ABTB3: variants seen among roughly 807,000 people sequenced by gnomAD.
ABTB3 encodes the protein ankyrin repeat- and BTB/POZ domain-containing protein 3.
the ABTB3 span, among the ~76,000 whole-genome samples, chr12:107,390,833 C>A: frequency 2.0e-5 from 3 of 152,166 alleles, no homozygotes; most frequent in East Asian, 5.8e-4. Context: ...CTTCACAGGG[C>A]TATAAGCACT....
chr12:107,388,060 C>A, the ABTB3 span, among the ~76,000 whole-genome samples: 1 of 149,784 alleles, frequency 6.7e-6, no homozygotes, highest in South Asian at 2.1e-4. Flanking sequence ...GCAACCTCTG[C>A]CTCTCAGGTT....
At chr12:107,462,204 T>C in the ABTB3 span, among the ~76,000 whole-genome samples, 1 of 152,278 alleles carries the variant, frequency 6.6e-6, no homozygotes, top group Non-Finnish European at 1.5e-5. Flanking sequence ...TCATTAATGC[T>C]TTTAAAAATG....
chr12:107,635,452 AGAATGCCATAAG>A, the ABTB3 span: 3 of 1,502,750 alleles, frequency 2.0e-6, no homozygotes, highest in Non-Finnish European at 2.8e-6. Flanking sequence ...GAGGAGCCAA[AGAATGCCATAAG>A]GAATGCCAGG....
the ABTB3 span, among the ~76,000 whole-genome samples, chr12:107,367,518 T>C: frequency 1.3e-5 from 2 of 152,100 alleles, no homozygotes; most frequent in Non-Finnish European, 2.9e-5. Context: ...TGTATTTATT[T>C]ATTTTAGACA....
the ABTB3 span, among the ~76,000 whole-genome samples, chr12:107,465,850 C>T: frequency 1.9e-3 from 288 of 152,298 alleles, 5 homozygotes; most frequent in East Asian, 0.033. Context: ...TCTCCTGTTA[C>T]GTCTTTCATG....
chr12:107,457,389 C>T, the ABTB3 span, among the ~76,000 whole-genome samples: 5 of 152,174 alleles, frequency 3.3e-5, no homozygotes, highest in East Asian at 7.7e-4. Flanking sequence ...GCTGGCTTGC[C>T]GAAAGATAGA....
chr12:107,398,154 C>G, the ABTB3 span, among the ~76,000 whole-genome samples: 1 of 152,044 alleles, frequency 6.6e-6, no homozygotes, highest in Non-Finnish European at 1.5e-5. Flanking sequence ...ACAGCTCTGG[C>G]ATTGGGTTGG....
the ABTB3 span, among the ~76,000 whole-genome samples, chr12:107,536,877 G>A: frequency 6.6e-6 from 1 of 152,138 alleles, no homozygotes; most frequent in African/African-American, 2.4e-5. Context: ...CCACTACTGG[G>A]CATTTATCCA....
the ABTB3 span, among the ~76,000 whole-genome samples, chr12:107,363,815 A>G: frequency 2.0e-5 from 3 of 152,242 alleles, no homozygotes; most frequent in African/African-American, 7.2e-5. Flanking sequence ...GCATTAGTAT[A>G]TCTGATTGGT....
At chr12:107,415,916 C>T in the ABTB3 span, among the ~76,000 whole-genome samples, 1 of 151,814 alleles carries the variant, frequency 6.6e-6, no homozygotes, top group Non-Finnish European at 1.5e-5. Flanking sequence ...TGAGCCCACA[C>T]TCTGACAGTC....
chr12:107,454,440 G>C, the ABTB3 span, among the ~76,000 whole-genome samples: 9 of 152,164 alleles, frequency 5.9e-5, no homozygotes, highest in South Asian at 1.9e-3. Context: ...TTAAGGGTTA[G>C]GGGGGTTCAT....
the ABTB3 span, among the ~76,000 whole-genome samples, chr12:107,341,868 G>C: frequency 6.6e-6 from 1 of 152,050 alleles, no homozygotes; most frequent in Non-Finnish European, 1.5e-5. Context: ...CTCCCTCCCT[G>C]GTCTTGCTTG....
the ABTB3 span, among the ~76,000 whole-genome samples, chr12:107,442,391 G>A: frequency 2.0e-5 from 3 of 152,268 alleles, no homozygotes; most frequent in East Asian, 1.9e-4. Flanking sequence ...TGTAGATTTC[G>A]TTTCCTTTTT....
the ABTB3 span, among the ~76,000 whole-genome samples, chr12:107,333,735 A>G: frequency 2.6e-5 from 4 of 152,190 alleles, no homozygotes; most frequent in Non-Finnish European, 5.9e-5. Flanking sequence ...CAGTCCATAG[A>G]AAAAAATCAT....
chr12:107,384,691 G>T, the ABTB3 span, among the ~76,000 whole-genome samples: 2 of 152,128 alleles, frequency 1.3e-5, no homozygotes, highest in Non-Finnish European at 2.9e-5. Flanking sequence ...TCAGGTCTTT[G>T]TACCCCCACA....
the ABTB3 span, chr12:107,619,924 C>A: frequency 3.5e-6 from 5 of 1,445,344 alleles, no homozygotes; most frequent in East Asian, 2.5e-5. Context: ...TGGTTGTTTT[C>A]CACCTTTCCC....
At chr12:107,345,699 C>CA in the ABTB3 span, among the ~76,000 whole-genome samples, 138 of 149,524 alleles carry the variant, frequency 9.2e-4, no homozygotes, top group South Asian at 0.015. Context: ...CCTAGGGAGA[C>CA]AAAAAAAAAT....
the ABTB3 span, among the ~76,000 whole-genome samples, chr12:107,502,015 T>A: frequency 1.3e-5 from 2 of 151,950 alleles, no homozygotes; most frequent in South Asian, 4.1e-4. Context: ...GCCTGGGTGA[T>A]GTCCCCAGAA....
At chr12:107,619,840 C>A in the ABTB3 span, 4 of 719,642 alleles carry the variant, frequency 5.6e-6, no homozygotes, top group Admixed American at 1.2e-4. Flanking sequence ...CGTTGAAAGT[C>A]AATCCCTTGG....
Sources: gnomAD v4.1 joint callset for allele counts (sites outside exome capture counted in the v4.1 genomes callset) on GRCh38, gnomAD v4.1.1 for gene constraint, MANE v1.5 for transcripts, NCBI Gene and HGNC (gene_info 2026-07-23, HGNC 2026-07-21) for gene names.